FRK: variants seen among roughly 807,000 people sequenced by gnomAD.
FRK encodes the protein fyn related Src family tyrosine kinase, also known as tyrosine-protein kinase FRK.
Under a neutral mutation model 56.4 loss-of-function variants are expected in FRK, and 51 were observed. The ratio of observed to expected loss-of-function variants is 0.90; its 90% CI spans 0.72 to 1.14. FRK has a LOEUF of 1.14. Among genes scored for constraint, FRK ranks in the 50% most tolerant of loss-of-function variants. FRK has a pLI of 0.00. For synonymous variants in FRK, 245 were observed against 217.9 expected (o/e 1.12, Z -1.10); for missense variants, 570 against 601.4 (o/e 0.95, Z 0.55).
At chr6:116,052,475 C>T (rs577496615) in intron 1 of FRK, among the ~76,000 whole-genome samples, 7 of 152,132 alleles carry the variant, frequency 4.6e-5, no homozygotes, top group Non-Finnish European at 1.0e-4. Context: ...TTATTATTCA[C>T]AGGTATCATA....
chr6:115,950,545 G>A (rs1051014572), intron 5 of FRK, among the ~76,000 whole-genome samples: 1 of 152,162 alleles, frequency 6.6e-6, no homozygotes, highest in Non-Finnish European at 1.5e-5. Flanking sequence ...TGTGGAGAAA[G>A]AGGAATGCTT....
chr6:115,967,818 T>C (rs559229341), intron 3 of FRK, 99 bp from the exon 4 acceptor site: 2 of 934,902 alleles, frequency 2.1e-6, no homozygotes, highest in African/African-American at 1.7e-5. Context: ...AAATAAAACT[T>C]CTTAAAACAA....
chr6:116,056,546 A>G (rs148710519), intron 1 of FRK, among the ~76,000 whole-genome samples: 67 of 152,312 alleles, frequency 4.4e-4, no homozygotes, highest in African/African-American at 1.4e-3. Flanking sequence ...ATTGCTTTTT[A>G]TCAATATTTT....
At chr6:115,980,411 G>A (rs1285531280) in intron 2 of FRK, among the ~76,000 whole-genome samples, 1 of 152,004 alleles carries the variant, frequency 6.6e-6, no homozygotes, top group Non-Finnish European at 1.5e-5. Flanking sequence ...ACGGAAACAT[G>A]AGGATACATC....
the FRK span, among the ~76,000 whole-genome samples, chr6:116,089,788 T>G: frequency 6.6e-6 from 1 of 152,186 alleles, no homozygotes; most frequent in Non-Finnish European, 1.5e-5. Context: ...CATCACATTC[T>G]GAAATACTGA....
intron 1 of FRK, among the ~76,000 whole-genome samples, chr6:116,008,808 C>G (rs1052936566): frequency 1.3e-5 from 2 of 152,056 alleles, no homozygotes; most frequent in African/African-American, 4.8e-5. Context: ...GAGAAGGGAT[C>G]AAGATATCCT....
intron 2 of FRK, among the ~76,000 whole-genome samples, chr6:116,000,275 C>G (rs1775013477): frequency 2.1e-5 from 2 of 94,116 alleles, no homozygotes; most frequent in African/African-American, 4.2e-5. Flanking sequence ...CGGAGTCTCG[C>G]TCTGTCACCC....
At chr6:116,022,309 C>CAA (rs1406940529) in intron 1 of FRK, among the ~76,000 whole-genome samples, 2 of 151,956 alleles carry the variant, frequency 1.3e-5, no homozygotes, top group Non-Finnish European at 2.9e-5. Flanking sequence ...AAATGTTTTC[C>CAA]AATTTGTTTT....
chr6:115,998,490 C>A (rs555087577), intron 2 of FRK, among the ~76,000 whole-genome samples: 1 of 152,302 alleles, frequency 6.6e-6, no homozygotes, highest in African/African-American at 2.4e-5. Flanking sequence ...CTATCCTCCA[C>A]CCTTCCAATC....
intron 2 of FRK, among the ~76,000 whole-genome samples, chr6:115,998,940 C>A (rs747139565): frequency 2.0e-5 from 3 of 152,174 alleles, no homozygotes; most frequent in Non-Finnish European, 4.4e-5. Context: ...AGCTCTACTA[C>A]TCTGTAGGCT....
At chr6:115,955,988 T>C (rs1772970053) in intron 5 of FRK, among the ~76,000 whole-genome samples, 1 of 152,214 alleles carries the variant, frequency 6.6e-6, no homozygotes, top group Non-Finnish European at 1.5e-5. Context: ...GTGGAAGTAT[T>C]TTAAACAGCA....
the FRK span, among the ~76,000 whole-genome samples, chr6:116,093,676 C>T: frequency 6.6e-6 from 1 of 152,070 alleles, no homozygotes; most frequent in Non-Finnish European, 1.5e-5. Flanking sequence ...CATTTGTTGA[C>T]CTGTGTTCTA....
At chr6:115,994,055 T>C (rs1351205090) in intron 2 of FRK, among the ~76,000 whole-genome samples, 2 of 152,088 alleles carry the variant, frequency 1.3e-5, no homozygotes, top group Non-Finnish European at 2.9e-5. Flanking sequence ...TCCCAAACCA[T>C]GTTTTATAGA....
the FRK span, among the ~76,000 whole-genome samples, chr6:116,092,573 C>G: frequency 6.6e-6 from 1 of 152,322 alleles, no homozygotes; most frequent in Admixed American, 6.5e-5. Context: ...GTAAGGGCCA[C>G]TAAATCCGAC....
chr6:116,051,513 C>A (rs1233924784), intron 1 of FRK, among the ~76,000 whole-genome samples: 2 of 152,020 alleles, frequency 1.3e-5, no homozygotes, highest in East Asian at 1.9e-4. Context: ...AGTAAGTGAT[C>A]CAGAGTATAT....
At chr6:116,039,942 C>CG (rs1490154742) in intron 1 of FRK, among the ~76,000 whole-genome samples, 1 of 115,184 alleles carries the variant, frequency 8.7e-6, no homozygotes, top group Non-Finnish European at 1.8e-5. Context: ...ACACCTGGCA[C>CG]TAAAAAAAAA....
In FRK at chr6:115,936,806, C is replaced by T. The variant is rs941520955; in HGVS notation, c.*5608G>A. ...GAGTGAAAAGGAACTAACAAAGCCT[C>T]CAAGAAATATGGGATTATGTGAAAA... On this transcript the variant is annotated 3_prime_UTR_variant, in exon 8 of 8. Transcript: ENST00000606080. The T allele has an allele frequency of 1.3e-5, 2 of 152,148 alleles. No individual in the cohort carries two copies. The highest frequency in any genetic ancestry group is 4.8e-5 in the African/African-American group (2 of 41,442). The allele number at this position is 152,148 out of a possible 1,614,324, so 9.4% of individuals were successfully genotyped here.
intron 2 of FRK, among the ~76,000 whole-genome samples, chr6:115,996,447 A>G (rs980397549): frequency 6.6e-6 from 1 of 152,154 alleles, no homozygotes; most frequent in African/African-American, 2.4e-5. Context: ...GCAGAGACAT[A>G]GAGGGTCATA....
intron 1 of FRK, among the ~76,000 whole-genome samples, chr6:116,056,588 T>C (rs1325727632): frequency 6.6e-6 from 1 of 152,240 alleles, no homozygotes; most frequent in African/African-American, 2.4e-5. Context: ...ATTAAAGCAA[T>C]GAAATTTAAA....
Sources: gnomAD v4.1 joint callset for allele counts (sites outside exome capture counted in the v4.1 genomes callset) on GRCh38, gnomAD v4.1.1 for gene constraint, MANE v1.5 for transcripts, NCBI Gene and HGNC (gene_info 2026-07-23, HGNC 2026-07-21) for gene names.